Variants in KHDRBS2 observed in about 807,000 individuals in gnomAD.
KHDRBS2 encodes KH RNA binding domain containing, signal transduction associated 2.
KHDRBS2 carries 26 observed loss-of-function variants against 44.3 expected under a neutral mutation model. That is an observed-to-expected ratio of 0.59 (90% CI 0.43 to 0.81). The LOEUF (loss-of-function observed/expected upper bound fraction) is 0.81, where lower values mean the gene tolerates loss of function less well. KHDRBS2 is among the 40% of genes least tolerant of loss of function. KHDRBS2 has a pLI of 0.00. For synonymous variants in KHDRBS2, 194 were observed against 151.1 expected (o/e 1.28, Z -2.08); for missense variants, 476 against 433.1 (o/e 1.10, Z -0.88).
At chr6:61,750,889 G>A (rs6933788) in intron 6 of KHDRBS2, among the ~76,000 whole-genome samples, 121,623 of 151,998 alleles carry the variant, frequency 0.8, 49,247 homozygotes, top group African/African-American at 0.91. Context: ...GCCTGCATAG[G>A]AAGTGTTAAT....
At chr6:61,843,629 T>C (rs1376460978) in intron 6 of KHDRBS2, among the ~76,000 whole-genome samples, 1 of 152,070 alleles carries the variant, frequency 6.6e-6, no homozygotes, top group African/African-American at 2.4e-5. Flanking sequence ...CCTCCCAAAG[T>C]GCTGGGATTA....
chr6:62,178,931 T>A (rs1050317414), intron 1 of KHDRBS2, among the ~76,000 whole-genome samples: 6 of 151,518 alleles, frequency 4.0e-5, no homozygotes, highest in Admixed American at 4.0e-4. Context: ...TCATATAAAT[T>A]TATTTATATT....
At chr6:61,940,279 CTA>C (rs1167900426) in intron 4 of KHDRBS2, among the ~76,000 whole-genome samples, 1 of 151,840 alleles carries the variant, frequency 6.6e-6, no homozygotes, top group African/African-American at 2.4e-5. Context: ...CATTAAAAAC[CTA>C]TATGGAACAA....
the KHDRBS2 span, among the ~76,000 whole-genome samples, chr6:61,611,444 G>A: frequency 6.6e-6 from 1 of 152,156 alleles, no homozygotes; most frequent in East Asian, 1.9e-4. Flanking sequence ...GTGAGCAAAA[G>A]GATAGGATAA....
At chr6:61,961,997 T>A (rs904042491) in intron 4 of KHDRBS2, among the ~76,000 whole-genome samples, 6 of 151,582 alleles carry the variant, frequency 4.0e-5, no homozygotes, top group Non-Finnish European at 8.8e-5. Flanking sequence ...TATACACATA[T>A]AATAGAGAAC....
At chr6:61,715,238 G>A (rs1219730559) in intron 7 of KHDRBS2, among the ~76,000 whole-genome samples, 1 of 151,846 alleles carries the variant, frequency 6.6e-6, no homozygotes, top group African/African-American at 2.4e-5. Context: ...GGCAACCAAT[G>A]GAGAATTTAT....
chr6:61,697,624 A>T (rs1398959359), intron 7 of KHDRBS2, among the ~76,000 whole-genome samples: 1 of 152,168 alleles, frequency 6.6e-6, no homozygotes, highest in East Asian at 1.9e-4. Flanking sequence ...TAATGCTGTT[A>T]TCTTAAGAAA....
At chr6:61,893,220 A>T (rs1287722034) in intron 6 of KHDRBS2, among the ~76,000 whole-genome samples, 2 of 152,240 alleles carry the variant, frequency 1.3e-5, no homozygotes, top group African/African-American at 4.8e-5. Flanking sequence ...CACCAGTTAG[A>T]ATGGCAATCA....
At chr6:62,234,146 G>A (rs1833330791) in intron 1 of KHDRBS2, among the ~76,000 whole-genome samples, 1 of 152,108 alleles carries the variant, frequency 6.6e-6, no homozygotes, top group African/African-American at 2.4e-5. Context: ...GATCTCTCCA[G>A]GATCCTCAAA....
At chr6:61,885,671 T>G (rs1482301763) in intron 6 of KHDRBS2, among the ~76,000 whole-genome samples, 1 of 152,184 alleles carries the variant, frequency 6.6e-6, no homozygotes, top group Admixed American at 6.6e-5. Context: ...CAGATAGTCA[T>G]GCCCACTCTA....
intron 2 of KHDRBS2, among the ~76,000 whole-genome samples, chr6:62,063,296 T>C (rs1009693265): frequency 6.6e-6 from 1 of 150,658 alleles, no homozygotes; most frequent in African/African-American, 2.4e-5. Context: ...AGCATCATTC[T>C]GATACCAAAG....
intron 6 of KHDRBS2, among the ~76,000 whole-genome samples, chr6:61,814,333 C>T (rs545468386): frequency 3.3e-5 from 5 of 152,186 alleles, no homozygotes; most frequent in East Asian, 1.9e-4. Context: ...TATATGTGGC[C>T]GGGAGCGGTG....
chr6:62,135,346 TG>T (rs1389313935), intron 2 of KHDRBS2, among the ~76,000 whole-genome samples: 3 of 152,216 alleles, frequency 2.0e-5, no homozygotes, highest in African/African-American at 7.2e-5. Flanking sequence ...TCCAGCCATG[TG>T]GAACTGTGAA....
intron 2 of KHDRBS2, among the ~76,000 whole-genome samples, chr6:62,169,381 G>A (rs1168884881): frequency 6.6e-6 from 1 of 151,692 alleles, no homozygotes; most frequent in Non-Finnish European, 1.5e-5. Flanking sequence ...CCTTTGTAGA[G>A]GCTTAACTAT....
chr6:61,556,461 A>C, the KHDRBS2 span, among the ~76,000 whole-genome samples: 1 of 152,180 alleles, frequency 6.6e-6, no homozygotes, highest in African/African-American at 2.4e-5. Context: ...ATTCAAATAC[A>C]TTCATTGGCA....
At chr6:61,650,326 T>C in the KHDRBS2 span, among the ~76,000 whole-genome samples, 2 of 151,982 alleles carry the variant, frequency 1.3e-5, no homozygotes, top group African/African-American at 2.4e-5. Context: ...TGTGTTTTGT[T>C]TATTGCTCCA....
At chr6:61,777,884 G>A (rs1782342721) in intron 6 of KHDRBS2, among the ~76,000 whole-genome samples, 1 of 152,026 alleles carries the variant, frequency 6.6e-6, no homozygotes, top group African/African-American at 2.4e-5. Context: ...CGAGGTACAT[G>A]TGAAGGTTTG....
chr6:61,816,739 C>T, intron 6 of KHDRBS2: 2 of 382,762 alleles, frequency 5.2e-6, no homozygotes, highest in Admixed American at 3.0e-5. Flanking sequence ...TGTAGAATGC[C>T]ATATTACGTA....
chr6:61,891,170 T>C (rs60880752), intron 6 of KHDRBS2, among the ~76,000 whole-genome samples: 1,586 of 152,302 alleles, frequency 0.01, 28 homozygotes, highest in African/African-American at 0.037. Flanking sequence ...TTATGGATAG[T>C]TGAATGAAAC....
Sources: gnomAD v4.1 joint callset for allele counts (sites outside exome capture counted in the v4.1 genomes callset) on GRCh38, gnomAD v4.1.1 for gene constraint, MANE v1.5 for transcripts, NCBI Gene and HGNC (gene_info 2026-07-23, HGNC 2026-07-21) for gene names.